The following KLF13 variants were observed in gnomAD, a reference collection of about 807,000 sequenced individuals.
The protein encoded by KLF13 is Krueppel-like factor 13.
A neutral mutation model predicts 16.7 loss-of-function variants in KLF13; 8 were observed. That is an observed-to-expected ratio of 0.48 (90% CI 0.28 to 0.87). KLF13 has a LOEUF of 0.87. Among genes scored for constraint, KLF13 ranks in the 40% least tolerant of loss-of-function variants. The probability of loss-of-function intolerance (pLI) is 0.10; values close to 1 mark genes in which losing one functional copy is unlikely to be tolerated. For missense variants in KLF13, 447 were observed against 452.2 expected (o/e 0.99, Z 0.10); for synonymous variants, 245 against 208.4 (o/e 1.18, Z -1.51).
chr15:31,423,152 T>TATACGTATATATAC (rs2040360071), intron 1 of KLF13, among the ~76,000 whole-genome samples: 2 of 118,414 alleles, frequency 1.7e-5, no homozygotes, highest in African/African-American at 8.7e-5. Context: ...TACGTATATA[T>TATACGTATATATAC]ACGTATATAT....
chr15:31,346,936 A>G (rs986784430), intron 1 of KLF13, among the ~76,000 whole-genome samples: 1 of 152,140 alleles, frequency 6.6e-6, no homozygotes, highest in African/African-American at 2.4e-5. Flanking sequence ...GGAGAGGGGC[A>G]GCGTAGGGTC....
intron 1 of KLF13, among the ~76,000 whole-genome samples, chr15:31,367,403 G>C (rs951755246): frequency 5.3e-5 from 8 of 152,206 alleles, no homozygotes; most frequent in African/African-American, 1.7e-4. Flanking sequence ...TAAAGCTCCT[G>C]ATATATAGGG....
At chr15:31,362,695 T>A (rs1374086728) in intron 1 of KLF13, among the ~76,000 whole-genome samples, 1 of 152,252 alleles carries the variant, frequency 6.6e-6, no homozygotes, top group Non-Finnish European at 1.5e-5. Flanking sequence ...GGGAAAATTC[T>A]GTCAACCTTC....
intron 1 of KLF13, among the ~76,000 whole-genome samples, chr15:31,368,778 G>A (rs1179602075): frequency 6.6e-6 from 1 of 152,134 alleles, no homozygotes; most frequent in Non-Finnish European, 1.5e-5. Flanking sequence ...CTTGAACCTG[G>A]GAGGTGGAGG....
At chr15:31,359,647 C>CT (rs1216490695) in intron 1 of KLF13, among the ~76,000 whole-genome samples, 2 of 152,224 alleles carry the variant, frequency 1.3e-5, no homozygotes, top group African/African-American at 4.8e-5. Context: ...GAGGTAACCT[C>CT]TGTTTCCTTC....
intron 1 of KLF13, among the ~76,000 whole-genome samples, chr15:31,328,276 C>T (rs2038757885): frequency 6.6e-6 from 1 of 151,766 alleles, no homozygotes; most frequent in South Asian, 2.1e-4. Flanking sequence ...CGGCGCGCGG[C>T]GGGCGAAGTT....
intron 1 of KLF13, among the ~76,000 whole-genome samples, chr15:31,433,523 T>G (rs2040496287): frequency 6.6e-6 from 1 of 152,168 alleles, no homozygotes; most frequent in South Asian, 2.1e-4. Flanking sequence ...CCCCAGTCCC[T>G]GTGTGCTCTG....
At chr15:31,399,853 C>G (rs1039388691) in intron 2 of KLF13, among the ~76,000 whole-genome samples, 1 of 152,270 alleles carries the variant, frequency 6.6e-6, no homozygotes, top group Non-Finnish European at 1.5e-5. Flanking sequence ...GAGAGCCTGA[C>G]TCTGGGCTCC....
rs1386765650 is a variant in KLF13 at position 31,423,097 on chromosome 15, ATACGTATACG to A, written n.118-12270_118-12261del. ...AACAATTACATATATATACGTATAT[ATACGTATACG>A]TATACGTATATATACGTATATATAC... On this transcript the variant is annotated intron_variant and non_coding_transcript_variant, in intron 1 of 1. Transcript: ENST00000558225. 4.2e-5 allele frequency among the ~76,000 whole-genome samples: 6 copies of A among 141,226 alleles called. 1 individual carries two copies. Among genetic ancestry groups the A allele is most frequent in the Admixed American group, 1.4e-4 (2 of 13,928 alleles). The allele number at this position is 141,226 out of a possible 152,430, so 92.6% of individuals were successfully genotyped here. A position where few individuals can be genotyped will look rare whatever the true frequency, so the allele number is the denominator to read the frequency against.
intron 1 of KLF13, among the ~76,000 whole-genome samples, chr15:31,434,100 C>T (rs561699092): frequency 2.6e-5 from 4 of 152,260 alleles, no homozygotes; most frequent in Middle Eastern, 3.4e-3. Context: ...CCATCATTGC[C>T]ACTGGTGGTA....
At chr15:31,427,758 A>G (rs921558473) in intron 1 of KLF13, among the ~76,000 whole-genome samples, 1 of 152,200 alleles carries the variant, frequency 6.6e-6, no homozygotes, top group Non-Finnish European at 1.5e-5. Context: ...GCCTCAAGGA[A>G]ACTTACAATC....
At chr15:31,339,391 C>T (rs1566805052) in intron 1 of KLF13, among the ~76,000 whole-genome samples, 1 of 152,158 alleles carries the variant, frequency 6.6e-6, no homozygotes, top group Non-Finnish European at 1.5e-5. Context: ...TAGACGGTGG[C>T]AAGGCCCTGG....
chr15:31,333,961 G>A (rs1323336967), intron 1 of KLF13, among the ~76,000 whole-genome samples: 1 of 151,172 alleles, frequency 6.6e-6, no homozygotes, highest in African/African-American at 2.4e-5. Flanking sequence ...ATGGGGGGGG[G>A]AGGGCATGGG....
chr15:31,332,238 T>C (rs746179650), intron 1 of KLF13, among the ~76,000 whole-genome samples: 20 of 152,216 alleles, frequency 1.3e-4, no homozygotes, highest in Non-Finnish European at 2.6e-4. Flanking sequence ...GAGACCACAC[T>C]TGTTAGTCCC....
At position 31,376,185 on chromosome 15, in the gene KLF13, C is replaced by G. The variant is rs980314147; in HGVS notation, c.*3886C>G. The G allele has an allele frequency of 2.6e-5, 4 of 152,688 alleles. No individual in the cohort carries two copies. Among genetic ancestry groups the G allele is most frequent in the Non-Finnish European group, 5.9e-5 (4 of 68,082 alleles). The allele number at this position is 152,688 out of a possible 1,614,324, so 9.5% of individuals were successfully genotyped here. ...ATGGACTGCACAGGGTCCCGGCACT[C>G]CCTCGGGACCCATTCAGGATCTCAG... On this transcript the variant is annotated 3_prime_UTR_variant, in exon 2 of 2. Transcript: ENST00000307145.
At chr15:31,421,477 A>G (rs2040322500) in intron 1 of KLF13, among the ~76,000 whole-genome samples, 1 of 152,218 alleles carries the variant, frequency 6.6e-6, no homozygotes, top group South Asian at 2.1e-4. Context: ...AACATAAAAT[A>G]TAAAAATATG....
chr15:31,433,031 G>A (rs1485969873), intron 1 of KLF13, among the ~76,000 whole-genome samples: 6 of 152,172 alleles, frequency 3.9e-5, no homozygotes, highest in East Asian at 1.9e-4. Context: ...GCGACAGAGC[G>A]AGACTCTGCC....
At chr15:31,348,871 C>T (rs968129431) in intron 1 of KLF13, among the ~76,000 whole-genome samples, 21 of 152,140 alleles carry the variant, frequency 1.4e-4, no homozygotes, top group Admixed American at 3.3e-4. Flanking sequence ...GACCCTCTTC[C>T]TGGTTCGTAG....
At chr15:31,380,940 A>G (rs1366988807), downstream of KLF13, among the ~76,000 whole-genome samples, 1 of 152,180 alleles carries the variant, frequency 6.6e-6, no homozygotes, top group African/African-American at 2.4e-5. Flanking sequence ...CTGGAAGGCC[A>G]AGGCAGGCAG....
Sources: gnomAD v4.1 joint callset for allele counts (sites outside exome capture counted in the v4.1 genomes callset) on GRCh38, gnomAD v4.1.1 for gene constraint, MANE v1.5 for transcripts, NCBI Gene and HGNC (gene_info 2026-07-23, HGNC 2026-07-21) for gene names.